MACF1: variants seen among roughly 807,000 people sequenced by gnomAD.
The protein encoded by MACF1 is microtubule actin crosslinking factor 1, also known as microtubule-actin cross-linking factor 1.
Under a neutral mutation model 854.8 loss-of-function variants are expected in MACF1, and 193 were observed. The observed-to-expected ratio is 0.23, with a 90% CI of 0.20 to 0.25. The LOEUF (loss-of-function observed/expected upper bound fraction) is 0.25, where lower values mean the gene tolerates loss of function less well. Among genes scored for constraint, MACF1 ranks in the 10% least tolerant of loss-of-function variants. MACF1 has a pLI of 1.00. For synonymous variants in MACF1, 3,185 were observed against 3,226.7 expected (o/e 0.99, Z 0.44); for missense variants, 7,722 against 8,929.1 (o/e 0.86, Z 5.45).
intron 33 of MACF1, 71 bp from the exon 34 acceptor site, chr1:39,324,122 A>C (rs1646566212): frequency 6.8e-7 from 1 of 1,465,206 alleles, no homozygotes; most frequent in Non-Finnish European, 9.2e-7. Context: ...ACTTCATTTA[A>C]GAAAATCTGA....
chr1:39,387,044 G>T, intron 57 of MACF1, 143 bp from the exon 58 acceptor site: 1 of 774,208 alleles, frequency 1.3e-6, no homozygotes, highest in South Asian at 1.8e-5. Flanking sequence ...GTACATGAAG[G>T]AGCCTAATTA....
intron 93 of MACF1, 59 bp downstream of exon 93, chr1:39,462,096 A>C: frequency 6.4e-7 from 1 of 1,566,600 alleles, no homozygotes; most frequent in East Asian, 2.3e-5. Flanking sequence ...AATATCCTGA[A>C]TTTGGTTGGG....
Position 39,387,707 on chromosome 1 carries a change from C to T in MACF1, c.14865C>T (p.Arg4955=). 1.9e-6 allele frequency: 3 copies of T among 1,614,140 alleles called. No individual in the cohort carries two copies. The highest frequency in any genetic ancestry group is 2.2e-5 in the South Asian group (2 of 91,082). Residue 4955 remains arginine, a synonymous_variant, in exon 58 of 101, where the codon CGC becomes CGT. Coordinates refer to ENST00000564288, the MANE Select transcript of MACF1 (RefSeq NM_001394062.1). ...SKAMLNEVEK[R]RSLLEILNSA... ...CTATGCTGAATGAGGTGGAGAAGCG[C>T]CGCTCCCTGCTGGAAATATTGAATA... is the stretch of plus-strand genomic sequence containing the variant.
chr1:39,319,771 G>A (rs755306527), intron 31 of MACF1, 24 bp downstream of exon 31: 1 of 1,536,326 alleles, frequency 6.5e-7, no homozygotes, highest in Admixed American at 1.7e-5. Flanking sequence ...ATCCCAAAAA[G>A]AACATGAATC....
rs148404744 is a variant in MACF1 at position 39,360,874 on chromosome 1, C to G, written c.12326C>G (p.Ser4109Cys). 7.4e-6 allele frequency: 12 copies of G among 1,613,874 alleles called. No individual in the cohort carries two copies. The highest frequency in any genetic ancestry group is 1.3e-5 in the African/African-American group (1 of 74,870). ...SSLLQKAIAQ[S>C]QSVQESLESL... ...CTGCTGCAGAAAGCAATTGCCCAATCTCAGAGTGTCCAGGAAAGCCTGGAG... is the reference window on the plus strand; with the variant it reads ...CTGCTGCAGAAAGCAATTGCCCAATGTCAGAGTGTCCAGGAAAGCCTGGAG... The change falls in exon 48 of 101, where the codon TCT becomes TGT. Residue 4109 changes from serine (S) to cysteine (C), a missense_variant. Coordinates refer to ENST00000564288, the MANE Select transcript of MACF1 (RefSeq NM_001394062.1).
At chr1:39,215,237 G>A (rs571351309) in intron 1 of MACF1, 3 of 152,670 alleles carry the variant, frequency 2.0e-5, no homozygotes, top group African/African-American at 4.8e-5. Flanking sequence ...CCACTTCTCT[G>A]TTCTGCTGTC....
intron 58 of MACF1, chr1:39,411,676 G>C: frequency 6.2e-7 from 1 of 1,613,866 alleles, no homozygotes; most frequent in Non-Finnish European, 8.5e-7. Context: ...TCTTGAACTT[G>C]AAAAGGAGTG....
At chr1:39,381,207 G>A (rs947614292) in intron 55 of MACF1, among the ~76,000 whole-genome samples, 16 of 151,898 alleles carry the variant, frequency 1.1e-4, no homozygotes, top group South Asian at 2.1e-4. Flanking sequence ...GCAGGCATGC[G>A]CCACCATGCC....
chr1:39,317,277 A>G lies in MACF1; in HGVS notation c.3652A>G (p.Lys1218Glu), dbSNP rs1174286241. 6.2e-7 allele frequency: 1 copy of G among 1,614,118 alleles called. No individual in the cohort carries two copies. The highest frequency in any genetic ancestry group is 1.1e-5 in the South Asian group (1 of 91,072). ...VFSVLDEEIA[K>E]AKVVAEQMSR... is the part of the protein sequence containing the mutation. Reference sequence around the variant, plus strand: ...TTCAGTCCTGGATGAGGAAATTGCCAAGGCCAAGGTAGTGGCAGAGCAGAT... The same window carrying G: ...TTCAGTCCTGGATGAGGAAATTGCCGAGGCCAAGGTAGTGGCAGAGCAGAT... Residue 1218 changes from lysine (K) to glutamate (E), a missense_variant, in exon 29 of 101, where the codon AAG becomes GAG. By Grantham distance (56) the Lys-to-Glu change is moderately conservative (BLOSUM62 1). Coordinates refer to ENST00000564288, the MANE Select transcript of MACF1 (RefSeq NM_001394062.1).
intron 44 of MACF1, among the ~76,000 whole-genome samples, chr1:39,356,447 A>G (rs1647578463): frequency 6.6e-6 from 1 of 151,184 alleles, no homozygotes; most frequent in African/African-American, 2.4e-5. Context: ...GTCTTGGCTC[A>G]CTGCAATCTC....
chr1:39,375,841 G>A (rs12564010), intron 52 of MACF1, among the ~76,000 whole-genome samples: 3,613 of 152,302 alleles, frequency 0.024, 112 homozygotes, highest in East Asian at 0.16. Context: ...ACTTAAGACT[G>A]ACATTGAGGA....
At position 39,084,314 on chromosome 1, in the gene MACF1, G is replaced by T; in HGVS notation, c.96G>T (p.Gly32=). Residue 32 remains glycine, a synonymous_variant, in exon 2 of 94, where the codon GGG becomes GGT. Coordinates refer to the MACF1 transcript ENST00000361689. This position sits in a 1 kb window ranked among gnomAD's most constrained non-coding sequence, Gnocchi z 5.2. The stretch of plus-strand genomic sequence containing the variant: ...GATCTTACAGGAGCGAGCGGTCGGG[G>T]AGCCTGTCTCCCTGTCCCCCAGGGG... 1 of 1,613,876 alleles carries T rather than the reference G, an allele frequency of 6.2e-7. No individual in the cohort carries two copies. The highest frequency in any genetic ancestry group is 8.5e-7 in the Non-Finnish European group (1 of 1,179,984).
rs1642883015 is a variant in MACF1 at position 39,409,429 on chromosome 1, C to G, written c.15817-12945C>G. 6.6e-6 allele frequency: 1 copy of G among 152,222 alleles called. No individual in the cohort carries two copies. The highest frequency in any genetic ancestry group is 6.6e-5 in the Admixed American group (1 of 15,266). The allele number at this position is 152,222 out of a possible 1,614,324, so 9.4% of individuals were successfully genotyped here. On this transcript the variant is annotated intron_variant, in intron 58 of 100. Coordinates refer to ENST00000564288, the MANE Select transcript of MACF1 (RefSeq NM_001394062.1). This position sits in a 1 kb window ranked among gnomAD's most constrained non-coding sequence, Gnocchi z 4.2. ...GAGCCACCTGCAGCCTGCGGTGAGG[C>G]GACCCTGGCCCTCGGGGCGCGCGGC... is the stretch of plus-strand genomic sequence containing the variant.
At chr1:39,446,900 C>T (rs1175511316) in intron 80 of MACF1, among the ~76,000 whole-genome samples, 1 of 152,102 alleles carries the variant, frequency 6.6e-6, no homozygotes, top group East Asian at 1.9e-4. Context: ...CTTTCGTTAC[C>T]TCTTCTTCTT....
chr1:39,111,900 C>G (rs1642416591), intron 2 of MACF1, among the ~76,000 whole-genome samples: 1 of 152,022 alleles, frequency 6.6e-6, no homozygotes, highest in African/African-American at 2.4e-5. Context: ...TTCTTTGTCT[C>G]TTTCAGGGCT....
At chr1:39,209,752 G>A (rs1224365391) in intron 1 of MACF1, among the ~76,000 whole-genome samples, 2 of 151,920 alleles carry the variant, frequency 1.3e-5, no homozygotes, top group South Asian at 2.1e-4. Flanking sequence ...CCTTCTAGTC[G>A]CTGCTATGCC....
chr1:39,146,707 G>C (rs114091382), intron 2 of MACF1, among the ~76,000 whole-genome samples: 1 of 152,034 alleles, frequency 6.6e-6, no homozygotes, highest in Non-Finnish European at 1.5e-5. Flanking sequence ...GGGAAGGGGG[G>C]ATGGGGTCAC....
At chr1:39,461,634 CA>C (rs903457221) in intron 92 of MACF1, among the ~76,000 whole-genome samples, 2 of 151,024 alleles carry the variant, frequency 1.3e-5, no homozygotes, top group African/African-American at 2.4e-5. Flanking sequence ...ACTAAAAATA[CA>C]AAAAAAATTA....
At chr1:39,435,971 G>A in intron 70 of MACF1, 1 of 559,022 alleles carries the variant, frequency 1.8e-6, no homozygotes, top group East Asian at 2.9e-5. Context: ...ATGAGTCTTG[G>A]CTGGTATATA....
Sources: allele counts gnomAD v4.1 joint callset (sites outside exome capture counted in the v4.1 genomes callset), GRCh38; gene constraint gnomAD v4.1.1; non-coding constraint Gnocchi (gnomAD v3.1); transcripts MANE v1.5; gene names NCBI Gene and HGNC (gene_info 2026-07-23, HGNC 2026-07-21).